The following DCPS variants were observed in gnomAD, a reference collection of about 807,000 sequenced individuals.
DCPS encodes the protein decapping enzyme, scavenger.
Under a neutral mutation model 34.7 loss-of-function variants are expected in DCPS, and 27 were observed. The ratio of observed to expected loss-of-function variants is 0.78; its 90% CI spans 0.57 to 1.07. The LOEUF (loss-of-function observed/expected upper bound fraction) is 1.07. DCPS is among the 50% of genes least tolerant of loss of function. The probability of loss-of-function intolerance (pLI) is 0.00; values close to 1 mark genes in which losing one functional copy is unlikely to be tolerated. For missense variants in DCPS, 464 were observed against 436.9 expected, an observed-to-expected ratio of 1.06 and a Z score of -0.55; for synonymous variants, 185 against 185.7, an observed-to-expected ratio of 1.00 and a Z score of 0.03.
In DCPS at chr11:126,317,400, CTT is replaced by C. The variant is rs11292533; in HGVS notation, c.376+10668_376+10669del. Among the ~76,000 whole-genome samples, 294 of 147,648 alleles carry C rather than the reference CTT, an allele frequency of 2.0e-3. 1 individual carries two copies. The highest frequency in any genetic ancestry group is 8.3e-3 in the East Asian group (42 of 5,050). On this transcript the variant is annotated intron_variant, in intron 2 of 5. Transcript: ENST00000263579. ...TATTTCATTCTCATAGCATTTTGCT[CTT>C]TTTTTTTTTTTATTGAGGCCAAATT...
At chr11:126,330,146 T>A (rs951396993) in intron 2 of DCPS, among the ~76,000 whole-genome samples, 4 of 152,144 alleles carry the variant, frequency 2.6e-5, no homozygotes, top group Admixed American at 2.6e-4. Context: ...AAGACATCCT[T>A]CTAGTTTAAA....
chr11:126,309,490 GTTA>G (rs1309551336), intron 2 of DCPS, among the ~76,000 whole-genome samples: 1 of 152,146 alleles, frequency 6.6e-6, no homozygotes, highest in Admixed American at 6.5e-5. Flanking sequence ...TATGTAAATA[GTTA>G]TTATACCATG....
rs1450190802 is a variant in DCPS at position 126,329,302 on chromosome 11, G to A, written c.377-2103G>A. Among the ~76,000 whole-genome samples, 4 of 152,224 alleles carry A rather than the reference G, an allele frequency of 2.6e-5. No homozygotes were observed. The highest frequency in any genetic ancestry group is 2.9e-5 in the Non-Finnish European group (2 of 68,032). On this transcript the variant is annotated intron_variant, in intron 2 of 5. Transcript: ENST00000263579. This position sits in a 1 kb window ranked among gnomAD's most constrained non-coding sequence, Gnocchi z 5.0. ...GTCAGATCCGGGGATTCCCAGGATT[G>A]GGTGACATTTATTTAGCAACTCGTG...
At position 126,347,436 on chromosome 11, in the gene DCPS, C is replaced by A. The variant is rs189048698; in HGVS notation, c.*1823C>A. ...ACGGGGTTTCACCATGTTGGCCAGGCTGGTCTCCAACTCCTGGCCTCAGGT... is the reference window on the plus strand; with the variant it reads ...ACGGGGTTTCACCATGTTGGCCAGGATGGTCTCCAACTCCTGGCCTCAGGT... On this transcript the variant is annotated 3_prime_UTR_variant, in exon 6 of 6. Transcript: ENST00000263579. This position sits in a 1 kb window ranked among gnomAD's most constrained non-coding sequence, Gnocchi z 4.2. Among the ~76,000 whole-genome samples the A allele has an allele frequency of 1.5e-4, 23 of 152,202 alleles. No individual in the cohort carries two copies. The highest frequency in any genetic ancestry group is 5.3e-4 in the African/African-American group (22 of 41,560).
intron 1 of DCPS, among the ~76,000 whole-genome samples, chr11:126,306,020 G>A (rs1245111827): frequency 6.6e-6 from 1 of 152,216 alleles, no homozygotes; most frequent in African/African-American, 2.4e-5. Context: ...GAAGACAACT[G>A]AGAAGCCTTG....
rs555004119 is a variant in DCPS at position 126,323,445 on chromosome 11, T to A, written c.377-7960T>A. 6.6e-6 allele frequency among the ~76,000 whole-genome samples: 1 copy of A among 152,328 alleles called. No individual in the cohort carries two copies. Among genetic ancestry groups the A allele is most frequent in the Admixed American group, 6.5e-5 (1 of 15,300 alleles). On this transcript the variant is annotated intron_variant, in intron 2 of 5. Coordinates refer to ENST00000263579, the MANE Select transcript of DCPS (RefSeq NM_014026.6). The surrounding 1 kb of genome is among the most constrained non-coding windows in gnomAD (Gnocchi z 4.4). ...TGTATTTTTCAAAGCAGGTGTACTT[T>A]AATGGTTAAAAAAATACACATGATG... is the stretch of plus-strand genomic sequence containing the variant.
At chr11:126,306,105 G>T (rs907691782) in intron 1 of DCPS, among the ~76,000 whole-genome samples, 1 of 152,200 alleles carries the variant, frequency 6.6e-6, no homozygotes. Flanking sequence ...GGGCATGGTG[G>T]CTCACACCTG....
chr11:126,312,878 G>A lies in DCPS; in HGVS notation c.376+6134G>A, dbSNP rs1951628892. 6.6e-6 allele frequency among the ~76,000 whole-genome samples: 1 copy of A among 152,126 alleles called. No individual in the cohort carries two copies. The highest frequency in any genetic ancestry group is 2.1e-4 in the South Asian group (1 of 4,832). ...GGAAAAGTGACTGGCTCTGCCCATG[G>A]GTAGGTTTCCTTTCTTCTTCCTGTT... On this transcript the variant is annotated intron_variant, in intron 2 of 5. Transcript: ENST00000263579. The surrounding 1 kb of genome is among the most constrained non-coding windows in gnomAD (Gnocchi z 5.1).
Position 126,345,877 on chromosome 11 carries a change from C to G in DCPS, c.*264C>G. The G allele has an allele frequency of 1.8e-6, 1 of 543,070 alleles. No homozygotes were observed. The highest frequency in any genetic ancestry group is 3.2e-6 in the Non-Finnish European group (1 of 308,558). 33.6% of individuals were successfully genotyped at this position (543,070 alleles called of 1,614,324 possible). A position where few individuals can be genotyped will look rare whatever the true frequency, so the allele number is the denominator to read the frequency against. On this transcript the variant is annotated 3_prime_UTR_variant, in exon 6 of 6. Coordinates refer to ENST00000263579, the MANE Select transcript of DCPS (RefSeq NM_014026.6). This position sits in a 1 kb window ranked among gnomAD's most constrained non-coding sequence, Gnocchi z 7.4. ...GGTGGTTTCAACTGACAGGTGGGAGCTGCCCTGGAAGGGTGCCGAGGGCCT... is the reference window on the plus strand; with the variant it reads ...GGTGGTTTCAACTGACAGGTGGGAGGTGCCCTGGAAGGGTGCCGAGGGCCT...
In DCPS at chr11:126,332,509, G is replaced by A. The variant is rs913154492; in HGVS notation, c.522+959G>A. On this transcript the variant is annotated intron_variant, in intron 3 of 5. Coordinates refer to ENST00000263579, the MANE Select transcript of DCPS (RefSeq NM_014026.6). This position sits in a 1 kb window ranked among gnomAD's most constrained non-coding sequence, Gnocchi z 5.4. ...TTCTCCCCAAGATTCAGGTCACTGTGGTGGAGGGTGTTGTGATGTGAGGAA... is the reference window on the plus strand; with the variant it reads ...TTCTCCCCAAGATTCAGGTCACTGTAGTGGAGGGTGTTGTGATGTGAGGAA... 6.6e-6 allele frequency among the ~76,000 whole-genome samples: 1 copy of A among 152,226 alleles called. No individual in the cohort carries two copies. Among genetic ancestry groups the A allele is most frequent in the Non-Finnish European group, 1.5e-5 (1 of 68,036 alleles).
rs568951756 is a variant in DCPS at position 126,331,856 on chromosome 11, T to A, written c.522+306T>A. Among the ~76,000 whole-genome samples, 71 of 152,314 alleles carry A rather than the reference T, an allele frequency of 4.7e-4. No homozygotes were observed. Among genetic ancestry groups the A allele is most frequent in the African/African-American group, 1.6e-3 (68 of 41,564 alleles). On this transcript the variant is annotated intron_variant, in intron 3 of 5. Coordinates refer to ENST00000263579, the MANE Select transcript of DCPS (RefSeq NM_014026.6). This position sits in a 1 kb window ranked among gnomAD's most constrained non-coding sequence, Gnocchi z 7.2. ...CCTGGGGCGGGCAATTGCCATTTTA[T>A]ATCGCATGGCGAGAGAAGGCTTTGG...
intron 2 of DCPS, among the ~76,000 whole-genome samples, chr11:126,308,493 C>T (rs1951591559): frequency 6.6e-6 from 1 of 152,214 alleles, no homozygotes. Context: ...ACAGCCTTGT[C>T]TTCCATTGAG....
intron 2 of DCPS, among the ~76,000 whole-genome samples, chr11:126,309,426 T>C (rs893269167): frequency 6.6e-6 from 1 of 152,160 alleles, no homozygotes; most frequent in African/African-American, 2.4e-5. Flanking sequence ...TATAAAATGG[T>C]GTAGTATTTG....
In DCPS at chr11:126,331,492, G is replaced by C. The variant is rs1951792616; in HGVS notation, c.464G>C (p.Gly155Ala). Residue 155 changes from glycine (G) to alanine (A), a missense_variant, in exon 3 of 6, where the codon GGA (glycine) becomes GCA (alanine). Coordinates refer to ENST00000263579, the MANE Select transcript of DCPS (RefSeq NM_014026.6). This position sits in a 1 kb window ranked among gnomAD's most constrained non-coding sequence, Gnocchi z 7.2. ...RQDLRLIRET[G>A]DDYRNITLPH... ...GACCTCCGCCTGATCCGAGAGACGG[G>C]AGATGACTACAGGAATATTACTTTA... The C allele has an allele frequency of 1.9e-6, 3 of 1,614,146 alleles. No homozygotes were observed. The highest frequency in any genetic ancestry group is 2.5e-6 in the Non-Finnish European group (3 of 1,180,026).
intron 2 of DCPS, among the ~76,000 whole-genome samples, chr11:126,324,964 C>A (rs1274698649): frequency 1.3e-5 from 2 of 152,086 alleles, no homozygotes; most frequent in African/African-American, 4.8e-5. Flanking sequence ...GGGTGGATCA[C>A]CTGAGGTCAG....
rs761189632 is a variant in DCPS at position 126,345,619 on chromosome 11, C to G, written c.*6C>G. The G allele has an allele frequency of 1.9e-6, 3 of 1,611,416 alleles. No individual in the cohort carries two copies. In the South Asian group the frequency reaches 3.3e-5, roughly 18 times the overall value. ...AGGAGGCTCAGCAAAGCTGAATTAA[C>G]TCAGGCAGAAGAGCACAGATGTGTG... On this transcript the variant is annotated 3_prime_UTR_variant, in exon 6 of 6. Coordinates refer to ENST00000263579, the MANE Select transcript of DCPS (RefSeq NM_014026.6). The surrounding 1 kb of genome is among the most constrained non-coding windows in gnomAD (Gnocchi z 7.4).
At position 126,322,921 on chromosome 11, in the gene DCPS, G is replaced by A. The variant is rs527506300; in HGVS notation, c.377-8484G>A. Among the ~76,000 whole-genome samples the A allele has an allele frequency of 3.9e-5, 6 of 152,268 alleles. No homozygotes were observed. Among genetic ancestry groups the A allele is most frequent in the Non-Finnish European group, 7.4e-5 (5 of 68,018 alleles). On this transcript the variant is annotated intron_variant, in intron 2 of 5. Transcript: ENST00000263579. This position sits in a 1 kb window ranked among gnomAD's most constrained non-coding sequence, Gnocchi z 4.2. ...TAGCTCATGGCAGCCTCAAACTCCC[G>A]AGTTCAAGTGATTCTCCCACTTCAC...
chr11:126,340,692 C>T (rs1951868708), intron 4 of DCPS, among the ~76,000 whole-genome samples: 1 of 152,164 alleles, frequency 6.6e-6, no homozygotes, highest in Non-Finnish European at 1.5e-5. Flanking sequence ...AGGAGCTTTC[C>T]TAGCCACCTT....
Position 126,304,243 on chromosome 11 carries a change from G to A in DCPS, c.163G>A (p.Glu55Lys), listed in dbSNP as rs1951544382. The change falls in exon 1 of 6, where the codon GAG becomes AAG. Residue 55 changes from glutamate to lysine, a missense_variant. Glu to Lys is a moderately conservative substitution (Grantham distance 56, BLOSUM62 1). Transcript: ENST00000263579. Reference sequence around the variant, plus strand: ...CTTCAGACTGCAGAAGGTGCTGAGGGAGTCTGCGCGGGACAAAATCATTTT... The same window carrying A: ...CTTCAGACTGCAGAAGGTGCTGAGGAAGTCTGCGCGGGACAAAATCATTTT... ...SGFRLQKVLR[E>K]SARDKIIFLH... 5 of 1,614,122 alleles carry A rather than the reference G, an allele frequency of 3.1e-6. No individual in the cohort carries two copies. The highest frequency in any genetic ancestry group is 1.1e-5 in the South Asian group (1 of 91,090).
Sources: allele counts gnomAD v4.1 joint callset (sites outside exome capture counted in the v4.1 genomes callset), GRCh38; gene constraint gnomAD v4.1.1; non-coding constraint Gnocchi (gnomAD v3.1); transcripts MANE v1.5; gene names NCBI Gene and HGNC (gene_info 2026-07-23, HGNC 2026-07-21).